INSYN2B: variants seen among roughly 807,000 people sequenced by gnomAD.
INSYN2B encodes inhibitory synaptic factor family member 2B.
Under a neutral mutation model 41.2 loss-of-function variants are expected in INSYN2B, and 16 were observed. The ratio of observed to expected loss-of-function variants is 0.39; its 90% CI spans 0.26 to 0.59. The LOEUF (loss-of-function observed/expected upper bound fraction) is 0.59. Ranked by LOEUF, INSYN2B falls within the 20% of genes least tolerant of loss-of-function variation. The pLI, the probability that INSYN2B is intolerant of heterozygous loss-of-function variation, is 0.57. For synonymous variants in INSYN2B, 245 were observed against 244.4 expected, an observed-to-expected ratio of 1.00 and a Z score of -0.02; for missense variants, 608 against 646.4, an observed-to-expected ratio of 0.94 and a Z score of 0.64.
intron 1 of INSYN2B, among the ~76,000 whole-genome samples, chr5:169,921,534 T>C (rs1775174476): frequency 6.6e-6 from 1 of 152,344 alleles, no homozygotes; most frequent in Admixed American, 6.5e-5. Flanking sequence ...TGGAAAATGT[T>C]GCCTCTTTCC....
At chr5:169,941,152 A>G (rs540261221) in intron 1 of INSYN2B, among the ~76,000 whole-genome samples, 87 of 152,282 alleles carry the variant, frequency 5.7e-4, no homozygotes, top group African/African-American at 2.0e-3. Flanking sequence ...AGAGCAGATA[A>G]CAAGGATCCC....
chr5:169,929,545 T>C (rs1375709594), intron 1 of INSYN2B, among the ~76,000 whole-genome samples: 1 of 151,998 alleles, frequency 6.6e-6, no homozygotes, highest in Admixed American at 6.6e-5. Flanking sequence ...GAAAACAGCC[T>C]GGGCAACATG....
chr5:169,915,018 C>A (rs555984744), intron 1 of INSYN2B, among the ~76,000 whole-genome samples: 1 of 152,378 alleles, frequency 6.6e-6, no homozygotes, highest in South Asian at 2.1e-4. Flanking sequence ...AAGGCAAACT[C>A]ACAGCACAGT....
intron 1 of INSYN2B, among the ~76,000 whole-genome samples, chr5:169,929,822 A>G (rs1035926949): frequency 6.6e-6 from 1 of 151,374 alleles, no homozygotes; most frequent in South Asian, 2.1e-4. Context: ...GCACTTTCCT[A>G]TAGACCCTTA....
chr5:169,946,466 ATTGATCT>A (rs1274330700), intron 1 of INSYN2B, among the ~76,000 whole-genome samples: 1 of 152,208 alleles, frequency 6.6e-6, no homozygotes, highest in Non-Finnish European at 1.5e-5. Flanking sequence ...TGTTTTGGAA[ATTGATCT>A]TTACCCCAGC....
At chr5:169,892,177 T>C (rs1429410063) in intron 1 of INSYN2B, among the ~76,000 whole-genome samples, 1 of 151,690 alleles carries the variant, frequency 6.6e-6, no homozygotes, top group Non-Finnish European at 1.5e-5. Context: ...TAAAGTGGAG[T>C]TGTTCTAGAA....
chr5:169,885,492 A>G (rs767610584), intron 1 of INSYN2B, among the ~76,000 whole-genome samples: 4 of 152,200 alleles, frequency 2.6e-5, no homozygotes, highest in Non-Finnish European at 5.9e-5. Flanking sequence ...TGCAACATTT[A>G]TTTAAGGACA....
intron 3 of INSYN2B, among the ~76,000 whole-genome samples, chr5:169,873,223 AG>A (rs1772097835): frequency 6.6e-6 from 1 of 152,264 alleles, no homozygotes; most frequent in Non-Finnish European, 1.5e-5. Context: ...AGAAAAAGAA[AG>A]GGGTAAAGCC....
Position 169,873,325 on chromosome 5 carries a change from C to A in INSYN2B, c.1421+8043G>T, listed in dbSNP as rs181097826. On this transcript the variant is annotated intron_variant, in intron 3 of 3. Transcript: ENST00000377365. ...TTACCTTTTACATTTTACATGTACC[C>A]CAAACTTCATAGCTGTTTCCCAAAG... Among the ~76,000 whole-genome samples, 15 of 152,276 alleles carry A rather than the reference C, an allele frequency of 9.9e-5. No individual in the cohort carries two copies. In the East Asian group the frequency reaches 2.9e-3, roughly 29 times the overall value.
At chr5:169,879,216 C>T (rs773596426) in intron 3 of INSYN2B, among the ~76,000 whole-genome samples, 1 of 152,186 alleles carries the variant, frequency 6.6e-6, no homozygotes, top group Admixed American at 6.5e-5. Flanking sequence ...GCTTTATGTA[C>T]AGTGACATGC....
intron 1 of INSYN2B, among the ~76,000 whole-genome samples, chr5:169,972,409 A>AT (rs879924245): frequency 6.6e-6 from 1 of 152,188 alleles, no homozygotes; most frequent in Admixed American, 6.5e-5. Flanking sequence ...ATTGTAGGAT[A>AT]TTTTAGCAGC....
chr5:169,863,833 C>T lies in INSYN2B; in HGVS notation c.*440G>A, dbSNP rs1771360710. Among the ~76,000 whole-genome samples the T allele has an allele frequency of 1.3e-5, 2 of 152,158 alleles. No individual in the cohort carries two copies. The highest frequency in any genetic ancestry group is 2.9e-5 in the Non-Finnish European group (2 of 68,034). ...GTTTATCTCATTTTTTTCTATGGTA[C>T]CTGCTTATAACCTATAACCTCCCTC... On this transcript the variant is annotated 3_prime_UTR_variant, in exon 4 of 4. Transcript: ENST00000377365.
intron 1 of INSYN2B, among the ~76,000 whole-genome samples, chr5:169,972,471 G>A (rs1777538371): frequency 8.4e-6 from 1 of 118,358 alleles, no homozygotes; most frequent in Non-Finnish European, 1.7e-5. Flanking sequence ...CATCACTTTT[G>A]ACAATGAAAA....
intron 1 of INSYN2B, among the ~76,000 whole-genome samples, chr5:169,906,061 T>C (rs1332462489): frequency 6.6e-6 from 1 of 152,236 alleles, no homozygotes; most frequent in East Asian, 1.9e-4. Flanking sequence ...GTACTAATTA[T>C]AAATGAATGC....
At chr5:169,887,026 A>G (rs961644779) in intron 1 of INSYN2B, among the ~76,000 whole-genome samples, 2 of 152,204 alleles carry the variant, frequency 1.3e-5, no homozygotes, top group African/African-American at 4.8e-5. Context: ...GAAGATGAAT[A>G]TATTTATACC....
chr5:169,941,194 A>C (rs1474656700), intron 1 of INSYN2B, among the ~76,000 whole-genome samples: 1 of 151,962 alleles, frequency 6.6e-6, no homozygotes, highest in Admixed American at 6.6e-5. Context: ...GTGCTTTTTA[A>C]ATTTATTTAT....
Position 169,901,011 on chromosome 5 carries a change from C to A in INSYN2B, c.-918-16195G>T, listed in dbSNP as rs188458549. Among the ~76,000 whole-genome samples, 6 of 152,250 alleles carry A rather than the reference C, an allele frequency of 3.9e-5. No homozygotes were observed. The East Asian group carries it at 1.2e-3, about 29-fold the overall frequency. On this transcript the variant is annotated intron_variant, in intron 1 of 3. Transcript: ENST00000377365. Reference sequence around the variant, plus strand: ...GTAGGAAAGGCTGATATTAAGTGAACAAACATCCAAGTAAACATGGATTTA... The same window carrying A: ...GTAGGAAAGGCTGATATTAAGTGAAAAAACATCCAAGTAAACATGGATTTA...
chr5:169,966,037 G>A (rs556670325), intron 1 of INSYN2B, among the ~76,000 whole-genome samples: 15 of 152,296 alleles, frequency 9.8e-5, no homozygotes, highest in African/African-American at 3.1e-4. Flanking sequence ...ACTGCCTTCC[G>A]AAGAGCAGGA....
At chr5:169,979,371 G>A (rs1777858475) in intron 1 of INSYN2B, among the ~76,000 whole-genome samples, 3 of 152,222 alleles carry the variant, frequency 2.0e-5, no homozygotes, top group African/African-American at 7.2e-5. Flanking sequence ...AACTTGTACA[G>A]AGGGGCAGGA....
Sources: allele counts gnomAD v4.1 joint callset (sites outside exome capture counted in the v4.1 genomes callset), GRCh38; gene constraint gnomAD v4.1.1; transcripts MANE v1.5; gene names NCBI Gene and HGNC (gene_info 2026-07-23, HGNC 2026-07-21).